IL21R: variants seen among roughly 807,000 people sequenced by gnomAD.
IL21R encodes interleukin-21 receptor.
IL21R carries 14 observed loss-of-function variants against 41.3 expected under a neutral mutation model. The observed-to-expected ratio is 0.34, with a 90% confidence interval of 0.22 to 0.53. IL21R has a LOEUF of 0.53. Among genes scored for constraint, IL21R ranks in the 20% least tolerant of loss-of-function variants. IL21R has a pLI of 0.94. For synonymous variants in IL21R, 286 were observed against 287.6 expected (o/e 0.99, Z 0.05); for missense variants, 588 against 681.6 (o/e 0.86, Z 1.53).
At chr16:27,415,136 C>T (rs1404337788) in intron 1 of IL21R, among the ~76,000 whole-genome samples, 1 of 152,078 alleles carries the variant, frequency 6.6e-6, no homozygotes, top group Non-Finnish European at 1.5e-5. Flanking sequence ...TGAAGAGGAC[C>T]AACTATTAAC....
At chr16:27,423,081 C>T (rs1319537764) in intron 1 of IL21R, among the ~76,000 whole-genome samples, 1 of 152,076 alleles carries the variant, frequency 6.6e-6, no homozygotes, top group Non-Finnish European at 1.5e-5. Context: ...CTTAGTTTTC[C>T]CACCTATTAG....
chr16:27,425,058 T>A (rs1163366966), intron 1 of IL21R, among the ~76,000 whole-genome samples: 1 of 152,134 alleles, frequency 6.6e-6, no homozygotes, highest in East Asian at 1.9e-4. Flanking sequence ...TCCGCCCCCA[T>A]GATCCAATCA....
chr16:27,410,134 G>T (rs201781524), intron 1 of IL21R, among the ~76,000 whole-genome samples: 5 of 152,044 alleles, frequency 3.3e-5, no homozygotes, highest in Admixed American at 3.3e-4. Context: ...TCAGGAGTTC[G>T]AGACCAGCCT....
chr16:27,417,096 T>C (rs990968553), intron 1 of IL21R, among the ~76,000 whole-genome samples: 5 of 152,158 alleles, frequency 3.3e-5, no homozygotes, highest in Non-Finnish European at 5.9e-5. Context: ...TCTACAATGG[T>C]TTGTACATTT....
At chr16:27,419,784 T>C (rs1391313138) in intron 1 of IL21R, among the ~76,000 whole-genome samples, 1 of 151,816 alleles carries the variant, frequency 6.6e-6, no homozygotes, top group Non-Finnish European at 1.5e-5. Context: ...ATTTAAGATA[T>C]AGTATAGTAA....
At position 27,430,057 on chromosome 16, in the gene IL21R, C is replaced by T. The variant is rs2087143197; in HGVS notation, c.-15C>T. 6.2e-7 allele frequency: 1 copy of T among 1,606,168 alleles called. No homozygotes were observed. Among genetic ancestry groups the T allele is most frequent in the Non-Finnish European group, 8.5e-7 (1 of 1,179,708 alleles). On this transcript the variant is annotated splice_region_variant and 5_prime_UTR_variant, in exon 2 of 9. Coordinates refer to ENST00000337929, the MANE Select transcript of IL21R (RefSeq NM_181078.3). The stretch of plus-strand genomic sequence containing the variant: ...CCCTCCACTGTACGTCTCTTGCAGG[C>T]CCGTGGGAGTCAGCATGCCGCGTGG...
chr16:27,403,162 G>A (rs1225714260), intron 1 of IL21R: 1 of 1,274,634 alleles, frequency 7.8e-7, no homozygotes, highest in Non-Finnish European at 1.0e-6. Flanking sequence ...AGTCAAGCCA[G>A]GTGACCCCAT....
chr16:27,443,275 C>A (rs1206408670), intron 5 of IL21R, among the ~76,000 whole-genome samples, 159 bp downstream of exon 5: 1 of 152,122 alleles, frequency 6.6e-6, no homozygotes, highest in East Asian at 1.9e-4. Flanking sequence ...CTCCTCCTCC[C>A]CTCACTTCTC....
rs376022161 is a variant in IL21R, at chr16:27,427,892, C to T, written c.-16-2164C>T. Among the ~76,000 whole-genome samples the T allele has an allele frequency of 1.6e-3, 239 of 152,264 alleles. 4 individuals are homozygous for T. In the South Asian group the frequency reaches 0.027, roughly 17 times the overall value. ...TAAAAGCAGGTTGAAACTGCATCTACCTCAACATTATTTTATTTGAGTAGT... is the reference window on the plus strand; with the variant it reads ...TAAAAGCAGGTTGAAACTGCATCTATCTCAACATTATTTTATTTGAGTAGT... On this transcript the variant is annotated intron_variant, in intron 1 of 8. Transcript: ENST00000337929.
chr16:27,444,899 G>A (rs2087450927), intron 6 of IL21R, among the ~76,000 whole-genome samples, 180 bp downstream of exon 6: 1 of 152,240 alleles, frequency 6.6e-6, no homozygotes, highest in African/African-American at 2.4e-5. Flanking sequence ...GGTGCCAGCT[G>A]CTTCTTCTGT....
intron 2 of IL21R, among the ~76,000 whole-genome samples, chr16:27,433,143 G>A (rs1478769155): frequency 6.6e-6 from 1 of 152,108 alleles, no homozygotes; most frequent in East Asian, 1.9e-4. Flanking sequence ...GGGAAAATAG[G>A]AAAAAGCCAC....
intron 4 of IL21R, 51 bp downstream of exon 4, chr16:27,437,738 C>A (rs3093344): frequency 6.7e-7 from 1 of 1,488,862 alleles, no homozygotes; most frequent in Non-Finnish European, 9.3e-7. Context: ...CTTAGCTCAC[C>A]GCAGCCCTGA....
chr16:27,438,225 C>A (rs1369821421), intron 4 of IL21R, among the ~76,000 whole-genome samples: 1 of 152,052 alleles, frequency 6.6e-6, no homozygotes. Context: ...GAGCAAATGT[C>A]CTTTTAACCC....
intron 1 of IL21R, among the ~76,000 whole-genome samples, chr16:27,418,011 A>AT (rs1218764300): frequency 1.1e-3 from 107 of 97,964 alleles, no homozygotes; most frequent in East Asian, 7.4e-3. Context: ...TTCCTATTTT[A>AT]TTTATTTTAT....
intron 4 of IL21R, among the ~76,000 whole-genome samples, chr16:27,441,461 G>A (rs887812128): frequency 2.0e-5 from 3 of 152,184 alleles, no homozygotes; most frequent in Non-Finnish European, 4.4e-5. Flanking sequence ...GCCAGGAGAC[G>A]CTGAAAGATG....
chr16:27,446,986 G>C (rs1300435539), intron 8 of IL21R, among the ~76,000 whole-genome samples: 1 of 152,188 alleles, frequency 6.6e-6, no homozygotes, highest in African/African-American at 2.4e-5. Context: ...CTAGACCATT[G>C]ATTGAGCTCC....
intron 3 of IL21R, among the ~76,000 whole-genome samples, chr16:27,436,002 G>T (rs2087263145): frequency 6.6e-6 from 1 of 152,044 alleles, no homozygotes. Context: ...CGAACTCCTG[G>T]CCTCAAGTGA....
intron 1 of IL21R, among the ~76,000 whole-genome samples, chr16:27,428,711 C>G (rs2087117874): frequency 2.0e-5 from 3 of 152,234 alleles, no homozygotes; most frequent in Non-Finnish European, 4.4e-5. Context: ...GATAAACTCA[C>G]TCTGCTCCCC....
chr16:27,417,778 A>G (rs2086912749), intron 1 of IL21R, among the ~76,000 whole-genome samples: 1 of 152,120 alleles, frequency 6.6e-6, no homozygotes, highest in African/African-American at 2.4e-5. Flanking sequence ...AACATAATAT[A>G]AAATATGAAA....
Sources: allele counts gnomAD v4.1 joint callset (sites outside exome capture counted in the v4.1 genomes callset), GRCh38; gene constraint gnomAD v4.1.1; transcripts MANE v1.5; gene names NCBI Gene and HGNC (gene_info 2026-07-23, HGNC 2026-07-21).